The following UBE2E2 variants were observed in gnomAD, a reference collection of about 807,000 sequenced individuals.
The protein encoded by UBE2E2 is ubiquitin-conjugating enzyme E2 E2.
UBE2E2 carries 6 observed loss-of-function variants against 24.7 expected under a neutral mutation model. The observed-to-expected ratio is 0.24, with a 90% CI of 0.13 to 0.48. The LOEUF (loss-of-function observed/expected upper bound fraction) is 0.48. Among genes scored for constraint, UBE2E2 ranks in the 20% least tolerant of loss-of-function variants. The probability of loss-of-function intolerance (pLI) is 0.99; values close to 1 mark genes in which losing one functional copy is unlikely to be tolerated. For synonymous variants in UBE2E2, 104 were observed against 83.6 expected (o/e 1.24, Z -1.33); for missense variants, 169 against 245.0 (o/e 0.69, Z 2.07).
intron 5 of UBE2E2, among the ~76,000 whole-genome samples, chr3:23,551,857 A>C (rs1002456570): frequency 1.2e-4 from 19 of 152,206 alleles, no homozygotes; most frequent in African/African-American, 4.6e-4. Flanking sequence ...AATATGTTGA[A>C]GCCCTAACTC....
At chr3:23,446,677 T>C (rs1698435519) in intron 3 of UBE2E2, among the ~76,000 whole-genome samples, 1 of 151,332 alleles carries the variant, frequency 6.6e-6, no homozygotes, top group Non-Finnish European at 1.5e-5. Context: ...AAGGTTACAG[T>C]TATTCATTAT....
intron 3 of UBE2E2, among the ~76,000 whole-genome samples, chr3:23,293,750 T>A (rs140349878): frequency 2.9e-3 from 448 of 152,370 alleles, no homozygotes; most frequent in Non-Finnish European, 4.5e-3. Context: ...CCATCTTTTT[T>A]AATTTTATTT....
At chr3:23,473,237 G>A (rs910194350) in intron 3 of UBE2E2, among the ~76,000 whole-genome samples, 1 of 151,946 alleles carries the variant, frequency 6.6e-6, no homozygotes, top group Admixed American at 6.6e-5. Context: ...GGAAAAAAAA[G>A]CACAAAGGAA....
At chr3:23,356,076 G>A (rs1013664676) in intron 3 of UBE2E2, among the ~76,000 whole-genome samples, 3 of 152,158 alleles carry the variant, frequency 2.0e-5, no homozygotes, top group Non-Finnish European at 4.4e-5. Context: ...AAAAAGAAGA[G>A]GATGCACTGA....
At chr3:23,334,231 A>G (rs1695144988) in intron 3 of UBE2E2, among the ~76,000 whole-genome samples, 1 of 152,222 alleles carries the variant, frequency 6.6e-6, no homozygotes, top group Non-Finnish European at 1.5e-5. Context: ...TTTCTTTTAA[A>G]AAGAGATTTA....
At chr3:23,277,934 G>A (rs1258055493) in intron 3 of UBE2E2, among the ~76,000 whole-genome samples, 1 of 152,086 alleles carries the variant, frequency 6.6e-6, no homozygotes, top group African/African-American at 2.4e-5. Context: ...TAAATTATTT[G>A]CACAATATTT....
At chr3:23,552,940 G>A (rs1262518809) in intron 5 of UBE2E2, among the ~76,000 whole-genome samples, 1 of 152,004 alleles carries the variant, frequency 6.6e-6, no homozygotes, top group East Asian at 1.9e-4. Context: ...TGTACGAATA[G>A]TATTTTCTAT....
intron 3 of UBE2E2, among the ~76,000 whole-genome samples, chr3:23,304,638 A>C (rs1401104313): frequency 6.6e-6 from 1 of 152,152 alleles, no homozygotes; most frequent in African/African-American, 2.4e-5. Flanking sequence ...TGTAATTGGA[A>C]AAAGAATGTT....
At chr3:23,535,395 C>T (rs1353163144) in intron 5 of UBE2E2, among the ~76,000 whole-genome samples, 5 of 152,096 alleles carry the variant, frequency 3.3e-5, no homozygotes, top group Non-Finnish European at 5.9e-5. Flanking sequence ...TATCTAACGC[C>T]GTCACCTCAA....
intron 3 of UBE2E2, among the ~76,000 whole-genome samples, chr3:23,483,071 A>C (rs574088371): frequency 1.3e-5 from 2 of 152,200 alleles, no homozygotes; most frequent in Non-Finnish European, 2.9e-5. Flanking sequence ...CTTAAACAGA[A>C]AGGTAGTGAA....
intron 3 of UBE2E2, among the ~76,000 whole-genome samples, chr3:23,250,194 C>T (rs1241825087): frequency 4.6e-5 from 7 of 152,188 alleles, no homozygotes; most frequent in Non-Finnish European, 7.4e-5. Context: ...TTGCCAAAGT[C>T]ACAGCCATTA....
intron 3 of UBE2E2, among the ~76,000 whole-genome samples, chr3:23,299,939 C>G (rs376469976): frequency 1.1e-4 from 16 of 152,088 alleles, no homozygotes; most frequent in South Asian, 6.3e-4. Flanking sequence ...GTAGGTCACT[C>G]AGGACTTGCT....
chr3:23,329,514 C>A (rs1188112697), intron 3 of UBE2E2, among the ~76,000 whole-genome samples: 2 of 152,174 alleles, frequency 1.3e-5, no homozygotes, highest in African/African-American at 4.8e-5. Context: ...TGAATTGACG[C>A]AAGGAATTTA....
chr3:23,493,068 G>A (rs1260428452), intron 3 of UBE2E2, among the ~76,000 whole-genome samples: 2 of 152,110 alleles, frequency 1.3e-5, no homozygotes, highest in African/African-American at 4.8e-5. Flanking sequence ...AAGGTTTAGT[G>A]AAAAGTGGTG....
intron 3 of UBE2E2, among the ~76,000 whole-genome samples, chr3:23,229,235 T>G (rs1415413797): frequency 6.6e-6 from 1 of 152,234 alleles, no homozygotes; most frequent in East Asian, 1.9e-4. Flanking sequence ...TTACCAGCAT[T>G]ATCTCGTGTA....
At chr3:23,253,896 A>G (rs1428711633) in intron 3 of UBE2E2, among the ~76,000 whole-genome samples, 1 of 152,234 alleles carries the variant, frequency 6.6e-6, no homozygotes, top group Non-Finnish European at 1.5e-5. Flanking sequence ...TCCTTGTGCT[A>G]CAGTAATGAG....
chr3:23,532,530 A>G (rs1575689668), intron 4 of UBE2E2, 24 bp from the exon 5 acceptor site: 1 of 1,495,730 alleles, frequency 6.7e-7, no homozygotes, highest in Non-Finnish European at 9.1e-7. Context: ...GTCTAACAAA[A>G]TATAACTTTA....
intron 3 of UBE2E2, among the ~76,000 whole-genome samples, chr3:23,343,003 G>A (rs184586924): frequency 1.1e-4 from 17 of 152,068 alleles, no homozygotes; most frequent in Non-Finnish European, 2.4e-4. Context: ...TATTCTTTTG[G>A]TAGCATAACT....
chr3:23,443,620 G>C (rs562309929), intron 3 of UBE2E2, among the ~76,000 whole-genome samples: 19 of 152,202 alleles, frequency 1.2e-4, no homozygotes, highest in Non-Finnish European at 2.8e-4. Flanking sequence ...AGATGCCATA[G>C]AGTACAAGGC....
Sources: allele counts gnomAD v4.1 joint callset (sites outside exome capture counted in the v4.1 genomes callset), GRCh38; gene constraint gnomAD v4.1.1; transcripts MANE v1.5; gene names NCBI Gene and HGNC (gene_info 2026-07-23, HGNC 2026-07-21).